Variants in TBL1X observed in about 807,000 individuals in gnomAD.
TBL1X encodes the protein transducin beta like 1 X-linked.
TBL1X carries 10 observed loss-of-function variants against 50.7 expected under a neutral mutation model. That is an observed-to-expected ratio of 0.20 (90% CI 0.12 to 0.33). The LOEUF (loss-of-function observed/expected upper bound fraction) is 0.33. Among genes scored for constraint, TBL1X ranks in the 10% least tolerant of loss-of-function variants. The pLI is 1.00. For synonymous variants in TBL1X, 190 were observed against 214.7 expected (o/e 0.88, Z 1.01); for missense variants, 340 against 504.4 (o/e 0.67, Z 3.12).
intron 2 of TBL1X, among the ~76,000 whole-genome samples, chrX:9,541,620 A>G (rs188729217): frequency 4.0e-4 from 45 of 112,788 alleles, no homozygotes; most frequent in African/African-American, 1.3e-3. Context: ...TACTTAAGAC[A>G]CATTTCTGTT....
At chrX:9,715,850 T>C (rs1003662774) in intron 17 of TBL1X, among the ~76,000 whole-genome samples, 2 of 112,094 alleles carry the variant, frequency 1.8e-5, no homozygotes, top group African/African-American at 6.5e-5. Flanking sequence ...CCGTTCTGGC[T>C]GAACGGCCAA....
chrX:9,687,888 C>A, intron 6 of TBL1X, 129 bp from the exon 7 acceptor site: 2 of 1,081,112 alleles, frequency 1.8e-6, no homozygotes, highest in South Asian at 5.0e-5. Context: ...TCCCCCGTGG[C>A]CCCCTGGTTG....
chrX:9,709,123 T>C, intron 13 of TBL1X, 125 bp from the exon 14 acceptor site: 1 of 612,875 alleles, frequency 1.6e-6, no homozygotes, highest in Non-Finnish European at 2.6e-6. Context: ...CTGTGCCCTT[T>C]GATGTCAGGC....
chrX:9,663,486 C>T (rs781134398), intron 5 of TBL1X, among the ~76,000 whole-genome samples: 69 of 111,583 alleles, frequency 6.2e-4, no homozygotes, highest in Non-Finnish European at 1.1e-3. Context: ...GGGCCAGGTG[C>T]GGTGGCTCAT....
At chrX:9,588,016 C>T (rs12393928) in intron 2 of TBL1X, among the ~76,000 whole-genome samples, 5,353 of 111,652 alleles carry the variant, frequency 0.048, 154 homozygotes, top group African/African-American at 0.11. Context: ...TGTACACAGC[C>T]GGCTGTTCAT....
chrX:9,578,720 C>T (rs1006853954), intron 2 of TBL1X, among the ~76,000 whole-genome samples: 1 of 111,816 alleles, frequency 8.9e-6, no homozygotes, highest in Non-Finnish European at 1.9e-5. Flanking sequence ...AAAGATACTG[C>T]AAATTGCGGC....
At chrX:9,679,374 C>T (rs1256798619) in intron 5 of TBL1X, among the ~76,000 whole-genome samples, 6 of 111,054 alleles carry the variant, frequency 5.4e-5, no homozygotes, top group Non-Finnish European at 1.1e-4. Flanking sequence ...ATGAGCCAGC[C>T]TAAAAGTCAG....
rs796965171 is a variant in TBL1X at position 9,492,894 on chromosome X, T to TGTGTGTGTGTAG, written c.-200-8882_-200-8881insGTGTGTAGGTGT. ...GTGTGTGTGTGTGTGTGTGTGTGTG[T>TGTGTGTGTGTAG]GTGTAGGGGAGGAAGGAATGGAAGG... On this transcript the variant is annotated intron_variant, in intron 1 of 17. Transcript: ENST00000645353. Among the ~76,000 whole-genome samples, 112 of 24,187 alleles carry TGTGTGTGTGTAG rather than the reference T, an allele frequency of 4.6e-3. 9 individuals are homozygous for TGTGTGTGTGTAG. Among genetic ancestry groups the TGTGTGTGTGTAG allele is most frequent in the African/African-American group, 0.011 (105 of 9,866 alleles). The allele number at this position is 24,187 out of a possible 115,157, so 21.0% of individuals were successfully genotyped here. A position where few individuals can be genotyped will look rare whatever the true frequency, so the allele number is the denominator to read the frequency against.
At chrX:9,470,488 T>C (rs1318524137) in intron 1 of TBL1X, among the ~76,000 whole-genome samples, 1 of 112,536 alleles carries the variant, frequency 8.9e-6, no homozygotes, top group Non-Finnish European at 1.9e-5. Flanking sequence ...ACTCCTGACC[T>C]CAGGTGATCC....
chrX:9,527,096 A>G (rs746582157), intron 2 of TBL1X, among the ~76,000 whole-genome samples: 4 of 112,300 alleles, frequency 3.6e-5, no homozygotes, highest in South Asian at 3.7e-4. Flanking sequence ...CGTGGATCAC[A>G]CAGGACAAAG....
chrX:9,673,892 C>T (rs1437937920), intron 5 of TBL1X, among the ~76,000 whole-genome samples: 2 of 111,508 alleles, frequency 1.8e-5, no homozygotes. Context: ...CATAGTGAAA[C>T]CCCATCTCTA....
At chrX:9,561,307 A>G (rs1011109439) in intron 2 of TBL1X, among the ~76,000 whole-genome samples, 2 of 111,862 alleles carry the variant, frequency 1.8e-5, no homozygotes, top group East Asian at 5.6e-4. Context: ...AGCGTCTTTC[A>G]GTAGAGTGAA....
intron 2 of TBL1X, among the ~76,000 whole-genome samples, chrX:9,597,830 A>G (rs931710800): frequency 3.6e-5 from 4 of 111,549 alleles, no homozygotes; most frequent in Non-Finnish European, 7.5e-5. Flanking sequence ...AGTGTTGTTA[A>G]TGAGTGTCAC....
At chrX:9,528,724 T>G (rs1166829599) in intron 2 of TBL1X, among the ~76,000 whole-genome samples, 33 of 88,582 alleles carry the variant, frequency 3.7e-4, no homozygotes, top group Admixed American at 7.5e-4. Context: ...GGGCGGGGGG[T>G]GCTGCTTTGG....
intron 2 of TBL1X, among the ~76,000 whole-genome samples, chrX:9,622,084 T>C (rs1032604434): frequency 2.7e-5 from 3 of 109,520 alleles, no homozygotes; most frequent in Admixed American, 1.9e-4. Flanking sequence ...TGTTTCGATA[T>C]TTCTGATTTT....
intron 2 of TBL1X, among the ~76,000 whole-genome samples, chrX:9,594,939 T>G (rs188635045): frequency 8.9e-6 from 1 of 112,257 alleles, no homozygotes; most frequent in East Asian, 2.8e-4. Flanking sequence ...TATTTGCATT[T>G]AATCTGTTTG....
Position 9,688,414 on chromosome X carries a change from G to C in TBL1X, c.616+139G>C, listed in dbSNP as rs137945694. 2.0e-3 allele frequency: 1,147 copies of C among 560,944 alleles called. 11 individuals are homozygous for C. In the African/African-American group the frequency reaches 0.025, roughly 12 times the overall value. 46.2% of individuals were successfully genotyped at this position (560,944 alleles called of 1,213,427 possible). The stretch of plus-strand genomic sequence containing the variant: ...GCTCTCTAGTGTTTGCTTACGATCT[G>C]GCCGGAAGAACTTCCCGTTCCATTT... On this transcript the variant is annotated intron_variant, in intron 7 of 17. Coordinates refer to ENST00000645353, the MANE Select transcript of TBL1X (RefSeq NM_005647.4).
chrX:9,671,642 C>G lies in TBL1X; in HGVS notation c.212-12401C>G, dbSNP rs142451640. On this transcript the variant is annotated intron_variant, in intron 5 of 17. Transcript: ENST00000645353. ...CATATAGAAAAGAATAGCACATCAC[C>G]CTGGCCAGCTGTGTGGCATGAACAA... Among the ~76,000 whole-genome samples the G allele has an allele frequency of 4.6e-3, 522 of 112,660 alleles. 1 individual carries two copies. Among genetic ancestry groups the G allele is most frequent in the Non-Finnish European group, 7.2e-3 (385 of 53,298 alleles).
intron 1 of TBL1X, among the ~76,000 whole-genome samples, chrX:9,495,042 G>A (rs752568783): frequency 1.1e-4 from 12 of 111,488 alleles, no homozygotes; most frequent in Admixed American, 1.9e-4. Context: ...GGGGGCTGTT[G>A]GGCCCTCGTG....
Sources: gnomAD v4.1 joint callset for allele counts (sites outside exome capture counted in the v4.1 genomes callset) on GRCh38, gnomAD v4.1.1 for gene constraint, MANE v1.5 for transcripts, NCBI Gene and HGNC (gene_info 2026-07-23, HGNC 2026-07-21) for gene names.